The following MARCHF7 variants were observed in gnomAD, a reference collection of about 807,000 sequenced individuals.
The protein encoded by MARCHF7 is membrane associated ring-CH-type finger 7.
A neutral mutation model predicts 76.5 loss-of-function variants in MARCHF7; 20 were observed. The ratio of observed to expected loss-of-function variants is 0.26; its 90% CI spans 0.18 to 0.38. MARCHF7 has a LOEUF of 0.38. Ranked by LOEUF, MARCHF7 falls within the 10% of genes least tolerant of loss-of-function variation. The pLI, the probability that MARCHF7 is intolerant of heterozygous loss-of-function variation, is 1.00. For missense variants in MARCHF7, 797 were observed against 812.9 expected (o/e 0.98, Z 0.24); for synonymous variants, 295 against 293.0 (o/e 1.01, Z -0.07).
chr2:159,753,512 C>T (rs187510877), intron 8 of MARCHF7, among the ~76,000 whole-genome samples: 5 of 151,488 alleles, frequency 3.3e-5, no homozygotes, highest in African/African-American at 1.2e-4. Context: ...GATTGCGCCA[C>T]TGCACTCCAG....
rs1020464921 is a variant in MARCHF7, at chr2:159,769,675, G to C, written c.*2333G>C. ...ATATATATAGCACTTCATTACCAGAGGCCTCTTGGCCTGTTGAAAAATGAA... is the reference window on the plus strand; with the variant it reads ...ATATATATAGCACTTCATTACCAGACGCCTCTTGGCCTGTTGAAAAATGAA... On this transcript the variant is annotated 3_prime_UTR_variant, in exon 12 of 12. Transcript: ENST00000409175. 6.6e-6 allele frequency: 1 copy of C among 151,812 alleles called. No homozygotes were observed. The highest frequency in any genetic ancestry group is 1.5e-5 in the Non-Finnish European group (1 of 68,016). 9.4% of individuals were successfully genotyped at this position (151,812 alleles called of 1,614,324 possible).
intron 3 of MARCHF7, among the ~76,000 whole-genome samples, chr2:159,728,295 T>C (rs771229102): frequency 1.3e-5 from 2 of 152,218 alleles, no homozygotes; most frequent in Non-Finnish European, 2.9e-5. Flanking sequence ...TATCAGCTAT[T>C]GCTATTATTT....
chr2:159,762,070 T>C (rs993812668), intron 9 of MARCHF7, among the ~76,000 whole-genome samples: 1 of 152,208 alleles, frequency 6.6e-6, no homozygotes, highest in Non-Finnish European at 1.5e-5. Context: ...GCCAAGTAGC[T>C]ATAAAATGTC....
chr2:159,752,478 A>G lies in MARCHF7; in HGVS notation c.1690A>G (p.Asn564Asp), dbSNP rs1181486948. ...ICQMAAASSSNLLIEPCKCTG... is the reference protein window; with the variant it reads ...ICQMAAASSSDLLIEPCKCTG... ...TCAAATGGCAGCTGCATCATCATCT[A>G]ATTTGCTGATAGAGCCATGCAAGTG... The change falls in exon 8 of 12, where the codon AAT becomes GAT. Residue 564 changes from asparagine to aspartate, a missense_variant. By Grantham distance (23) the Asn-to-Asp change is conservative. Transcript: ENST00000409175. 2.5e-6 allele frequency: 4 copies of G among 1,607,676 alleles called. No individual in the cohort carries two copies. Among genetic ancestry groups the G allele is most frequent in the Admixed American group, 3.4e-5 (2 of 58,498 alleles).
intron 4 of MARCHF7, among the ~76,000 whole-genome samples, chr2:159,740,375 C>A (rs1446085799): frequency 6.6e-6 from 1 of 152,146 alleles, no homozygotes; most frequent in Non-Finnish European, 1.5e-5. Context: ...ATTTAAAGTG[C>A]TCATTCTGAA....
intron 4 of MARCHF7, chr2:159,733,853 A>C: frequency 8.4e-7 from 1 of 1,191,130 alleles, no homozygotes; most frequent in Non-Finnish European, 1.0e-6. Flanking sequence ...ATTATTATGT[A>C]ATATACTTGA....
chr2:159,728,993 A>G lies in MARCHF7; in HGVS notation c.-14-16A>G. ...TATTTTCCCAAAGGCAATTAATGAA[A>G]ATTTTTATTTCACAGAAAAATCTTT... On this transcript the variant is annotated splice_polypyrimidine_tract_variant and intron_variant, in intron 3 of 11. Transcript: ENST00000409175. 1 of 1,509,814 alleles carries G rather than the reference A, an allele frequency of 6.6e-7. No homozygotes were observed. Among genetic ancestry groups the G allele is most frequent in the Non-Finnish European group, 8.9e-7 (1 of 1,127,758 alleles). 93.5% of individuals were successfully genotyped at this position (1,509,814 alleles called of 1,614,324 possible).
chr2:159,731,931 C>T (rs1305890547), intron 4 of MARCHF7, among the ~76,000 whole-genome samples: 5 of 151,228 alleles, frequency 3.3e-5, no homozygotes, highest in Non-Finnish European at 7.4e-5. Flanking sequence ...AGTGAAACCC[C>T]GTCTCCACTA....
chr2:159,759,932 A>T (rs1706819890), intron 9 of MARCHF7, among the ~76,000 whole-genome samples: 1 of 134,740 alleles, frequency 7.4e-6, no homozygotes, highest in Admixed American at 7.5e-5. Context: ...CCCGGTCTCT[A>T]CAAAACAGAA....
chr2:159,724,242 C>A (rs1701930516), intron 3 of MARCHF7, among the ~76,000 whole-genome samples: 1 of 152,160 alleles, frequency 6.6e-6, no homozygotes, highest in Non-Finnish European at 1.5e-5. Context: ...TTAAGCTGTT[C>A]TGATTACGTT....
At chr2:159,762,196 CT>C (rs1465717912) in intron 9 of MARCHF7, among the ~76,000 whole-genome samples, 1 of 152,116 alleles carries the variant, frequency 6.6e-6, no homozygotes, top group African/African-American at 2.4e-5. Flanking sequence ...CTGATTTGTC[CT>C]TTTTTCTTTA....
chr2:159,763,002 TAATG>T lies in MARCHF7; in HGVS notation c.2007+12_2007+15del, dbSNP rs1574451157. On this transcript the variant is annotated intron_variant, in intron 10 of 11. Transcript: ENST00000409175. ...CAAGCACACGTGTCCGAGTAAGTAA[TAATG>T]AAGTTGGGGAGAGGGAGGGTATGAT... 1 of 1,592,592 alleles carries T rather than the reference TAATG, an allele frequency of 6.3e-7. No individual in the cohort carries two copies. Among genetic ancestry groups the T allele is most frequent in the Non-Finnish European group, 8.6e-7 (1 of 1,163,436 alleles).
intron 9 of MARCHF7, among the ~76,000 whole-genome samples, chr2:159,762,064 A>G (rs1427328): frequency 0.34 from 52,366 of 152,050 alleles, 9,228 homozygotes; most frequent in South Asian, 0.44. Flanking sequence ...ACTAGTGCCA[A>G]GTAGCTATAA....
At chr2:159,761,129 G>T (rs1017784794) in intron 9 of MARCHF7, among the ~76,000 whole-genome samples, 1 of 150,946 alleles carries the variant, frequency 6.6e-6, no homozygotes, top group African/African-American at 2.4e-5. Context: ...GAGTTTAAGC[G>T]ATTCTCTTGC....
Position 159,748,135 on chromosome 2 carries a change from T to G in MARCHF7, c.845T>G (p.Leu282Trp), listed in dbSNP as rs1297127460. The G allele has an allele frequency of 6.2e-7, 1 of 1,613,746 alleles. No individual in the cohort carries two copies. Among genetic ancestry groups the G allele is most frequent in the Non-Finnish European group, 8.5e-7 (1 of 1,179,934 alleles). ...DNEGRRTTRRLLSRIASSMSS... is the reference protein window; with the variant it reads ...DNEGRRTTRRWLSRIASSMSS... ...GAAGGTAGGCGGACAACGAGGAGAT[T>G]GCTGTCACGCATAGCTTCTAGCATG... The change falls in exon 7 of 12, where the codon TTG becomes TGG. Residue 282 changes from leucine (L) to tryptophan (W), a missense_variant. Physicochemically the swap from Leu to Trp is moderately conservative, Grantham distance 61. This residue lies in a region of MARCHF7 where 643 missense variants were observed against 631.5 expected (regional missense o/e 1.02). Transcript: ENST00000409175.
chr2:159,766,743 G>C (rs1336433038), intron 11 of MARCHF7, among the ~76,000 whole-genome samples: 1 of 152,168 alleles, frequency 6.6e-6, no homozygotes, highest in African/African-American at 2.4e-5. Flanking sequence ...AATTTAGGCT[G>C]TGTCTATATG....
chr2:159,760,783 G>T (rs1376572162), intron 9 of MARCHF7, among the ~76,000 whole-genome samples: 1 of 151,184 alleles, frequency 6.6e-6, no homozygotes, highest in Non-Finnish European at 1.5e-5. Context: ...TTGATCTCAG[G>T]AATGTTTTTA....
chr2:159,714,242 T>C (rs889100978), intron 1 of MARCHF7, among the ~76,000 whole-genome samples: 3 of 152,250 alleles, frequency 2.0e-5, no homozygotes, highest in Non-Finnish European at 4.4e-5. Flanking sequence ...ATCTGTCAAA[T>C]ATCTTAAAAC....
chr2:159,767,182 A>G (rs888934844), intron 11 of MARCHF7, 102 bp from the exon 12 acceptor site: 2 of 805,060 alleles, frequency 2.5e-6, no homozygotes, highest in Non-Finnish European at 4.2e-6. Context: ...CTAAATTGGG[A>G]TTTTTGTTTT....
Sources: gnomAD v4.1 joint callset for allele counts (sites outside exome capture counted in the v4.1 genomes callset) on GRCh38, gnomAD v4.1.1 for gene constraint, gnomAD v4.1.1 regional missense constraint, MANE v1.5 for transcripts, NCBI Gene and HGNC (gene_info 2026-07-23, HGNC 2026-07-21) for gene names.